Variants in FLRT2 observed in about 807,000 individuals in gnomAD.
The protein encoded by FLRT2 is leucine-rich repeat transmembrane protein FLRT2.
Under a neutral mutation model 40.0 loss-of-function variants are expected in FLRT2, and 15 were observed. The ratio of observed to expected loss-of-function variants is 0.38; its 90% confidence interval spans 0.25 to 0.58. FLRT2 has a LOEUF of 0.58. Among genes scored for constraint, FLRT2 ranks in the 20% least tolerant of loss-of-function variants. The pLI, the probability that FLRT2 is intolerant of heterozygous loss-of-function variation, is 0.71. For missense variants in FLRT2, 726 were observed against 840.0 expected (o/e 0.86, Z 1.68); for synonymous variants, 380 against 336.8 (o/e 1.13, Z -1.41).
At chr14:85,538,677 A>G (rs1888812445) in intron 1 of FLRT2, among the ~76,000 whole-genome samples, 1 of 152,160 alleles carries the variant, frequency 6.6e-6, no homozygotes, top group African/African-American at 2.4e-5. Flanking sequence ...CCCAAAGTTT[A>G]TAGATGATAT....
chr14:85,538,318 C>T (rs1003474560), intron 1 of FLRT2, among the ~76,000 whole-genome samples: 1 of 152,102 alleles, frequency 6.6e-6, no homozygotes, highest in African/African-American at 2.4e-5. Flanking sequence ...AAACACTGGT[C>T]AGTTATTCTG....
At position 85,627,833 on chromosome 14, in the gene FLRT2, C is replaced by T. The variant is rs965194592; in HGVS notation, c.*4336C>T. 4 of 167,196 alleles carry T rather than the reference C, an allele frequency of 2.4e-5. No homozygotes were observed. The South Asian group carries it at 6.2e-4, about 26-fold the overall frequency. 10.4% of individuals were successfully genotyped at this position (167,196 alleles called of 1,614,324 possible). ...TGCATCACACATCCTCTGAGACCTA[C>T]CATGTCGCACACTTTGTTAATGACA... On this transcript the variant is annotated 3_prime_UTR_variant, in exon 2 of 2. Coordinates refer to ENST00000330753, the MANE Select transcript of FLRT2 (RefSeq NM_013231.6).
At chr14:85,560,933 CTAATTA>C (rs1345403070) in intron 1 of FLRT2, 1 of 152,154 alleles carries the variant, frequency 6.6e-6, no homozygotes, top group East Asian at 1.9e-4. Flanking sequence ...AATTACTCTC[CTAATTA>C]TAACGATAAC....
Position 85,625,032 on chromosome 14 carries a change from A to T in FLRT2, c.*1535A>T, listed in dbSNP as rs1566766828. ...TCAGAGAGTGAAGGCTTTTTCCCCTAATCCTGGCAGAGCAGGGCGTAGAAA... is the reference window on the plus strand; with the variant it reads ...TCAGAGAGTGAAGGCTTTTTCCCCTTATCCTGGCAGAGCAGGGCGTAGAAA... On this transcript the variant is annotated 3_prime_UTR_variant, in exon 2 of 2. Coordinates refer to ENST00000330753, the MANE Select transcript of FLRT2 (RefSeq NM_013231.6). 1 of 167,014 alleles carries T rather than the reference A, an allele frequency of 6.0e-6. No homozygotes were observed. The highest frequency in any genetic ancestry group is 2.4e-5 in the African/African-American group (1 of 41,450). 10.3% of individuals were successfully genotyped at this position (167,014 alleles called of 1,614,324 possible). A position where few individuals can be genotyped will look rare whatever the true frequency, so the allele number is the denominator to read the frequency against.
At chr14:85,565,788 T>C (rs1052336665) in intron 1 of FLRT2, among the ~76,000 whole-genome samples, 2 of 152,180 alleles carry the variant, frequency 1.3e-5, no homozygotes, top group Non-Finnish European at 2.9e-5. Context: ...GATGTGACAC[T>C]GATAACTTCA....
At chr14:85,539,448 T>G in intron 1 of FLRT2, among the ~76,000 whole-genome samples, 1 of 152,132 alleles carries the variant, frequency 6.6e-6, no homozygotes, top group Non-Finnish European at 1.5e-5. Flanking sequence ...AGCATTAGAT[T>G]AGATGACAAG....
chr14:85,593,161 A>G (rs1239866448), intron 1 of FLRT2, among the ~76,000 whole-genome samples: 1 of 152,232 alleles, frequency 6.6e-6, no homozygotes, highest in Non-Finnish European at 1.5e-5. Flanking sequence ...TAACTACAAA[A>G]GAGAAAAGGA....
In FLRT2 at chr14:85,624,841, A is replaced by T. The variant is rs1251128249; in HGVS notation, c.*1344A>T. The stretch of plus-strand genomic sequence containing the variant: ...CACATCAAAGCTGGCCAAAATAATG[A>T]ATTTTTTTTAAAAAGCAATACCTGG... On this transcript the variant is annotated 3_prime_UTR_variant, in exon 2 of 2. Coordinates refer to ENST00000330753, the MANE Select transcript of FLRT2 (RefSeq NM_013231.6). 6.0e-6 allele frequency: 1 copy of T among 167,076 alleles called. No homozygotes were observed. Among genetic ancestry groups the T allele is most frequent in the Non-Finnish European group, 1.5e-5 (1 of 68,124 alleles). The allele number at this position is 167,076 out of a possible 1,614,324, so 10.3% of individuals were successfully genotyped here.
rs745818091 is a variant in FLRT2, at chr14:85,622,517, C to T, written c.1003C>T (p.Arg335Trp). The part of the protein sequence containing the change: ...LKYIPSSLNV[R>W]GFMCQGPEQV... ...ATATATCCCTTCATCTCTCAACGTGCGGGGTTTCATGTGCCAAGGTCCTGA... is the reference window on the plus strand; with the variant it reads ...ATATATCCCTTCATCTCTCAACGTGTGGGGTTTCATGTGCCAAGGTCCTGA... The change falls in exon 2 of 2, where the codon CGG (arginine) becomes TGG (tryptophan). Residue 335 changes from arginine to tryptophan, a missense_variant. Physicochemically the swap from Arg to Trp is moderately radical, Grantham distance 101. Transcript: ENST00000330753. 5.0e-6 allele frequency: 8 copies of T among 1,614,050 alleles called. No homozygotes were observed. Among genetic ancestry groups the T allele is most frequent in the Non-Finnish European group, 6.8e-6 (8 of 1,180,028 alleles).
chr14:85,611,442 A>G (rs977677962), intron 1 of FLRT2, among the ~76,000 whole-genome samples: 2 of 152,256 alleles, frequency 1.3e-5, no homozygotes, highest in African/African-American at 4.8e-5. Context: ...AATTTTAAAA[A>G]GCGTCAGAGA....
intron 1 of FLRT2, among the ~76,000 whole-genome samples, chr14:85,571,064 G>T (rs906053780): frequency 6.6e-6 from 1 of 152,048 alleles, no homozygotes; most frequent in Non-Finnish European, 1.5e-5. Flanking sequence ...TAGATCTAGG[G>T]TCCTGGTAAC....
intron 1 of FLRT2, among the ~76,000 whole-genome samples, chr14:85,610,275 G>A (rs189835831): frequency 6.6e-6 from 1 of 152,204 alleles, no homozygotes; most frequent in African/African-American, 2.4e-5. Context: ...TCTGAAATGG[G>A]ACATTTGAAG....
chr14:85,549,920 T>C (rs1390374185), intron 1 of FLRT2, among the ~76,000 whole-genome samples: 2 of 152,106 alleles, frequency 1.3e-5, no homozygotes, highest in Non-Finnish European at 2.9e-5. Flanking sequence ...GCCTAATTTC[T>C]TTTTAACAAT....
chr14:85,557,623 C>A (rs982750525), intron 1 of FLRT2, among the ~76,000 whole-genome samples: 1 of 151,974 alleles, frequency 6.6e-6, no homozygotes, highest in East Asian at 1.9e-4. Context: ...CCAGCCTGAC[C>A]AATATGATGA....
intron 1 of FLRT2, among the ~76,000 whole-genome samples, chr14:85,575,252 G>A (rs1891076624): frequency 6.6e-6 from 1 of 152,150 alleles, no homozygotes; most frequent in Non-Finnish European, 1.5e-5. Flanking sequence ...GTGGAATGTG[G>A]GTGGATGGAG....
At chr14:85,566,337 C>T (rs1362864230) in intron 1 of FLRT2, among the ~76,000 whole-genome samples, 2 of 152,036 alleles carry the variant, frequency 1.3e-5, no homozygotes, top group African/African-American at 4.8e-5. Flanking sequence ...ATTGTAGAGA[C>T]TTTCAAGAGA....
chr14:85,534,043 C>A (rs749287554), intron 1 of FLRT2, among the ~76,000 whole-genome samples: 1 of 151,594 alleles, frequency 6.6e-6, no homozygotes, highest in African/African-American at 2.4e-5. Flanking sequence ...GCTGCGCTCC[C>A]GCTTCCTCCC....
chr14:85,628,605 C>CT lies in FLRT2; in HGVS notation c.*5112dup. 6.6e-6 allele frequency: 1 copy of CT among 152,186 alleles called. No individual in the cohort carries two copies. Among genetic ancestry groups the CT allele is most frequent in the Non-Finnish European group, 1.5e-5 (1 of 68,044 alleles). 9.4% of individuals were successfully genotyped at this position (152,186 alleles called of 1,614,324 possible). A position where few individuals can be genotyped will look rare whatever the true frequency, so the allele number is the denominator to read the frequency against. On this transcript the variant is annotated 3_prime_UTR_variant, in exon 2 of 2. Transcript: ENST00000330753. Reference sequence around the variant, plus strand: ...AGTCTCATATGATTTTTCAGAACCCCTTTTGCTAACCCCTCTTGGCCATTT... The same window carrying CT: ...AGTCTCATATGATTTTTCAGAACCCCTTTTTGCTAACCCCTCTTGGCCATTT...
intron 1 of FLRT2, among the ~76,000 whole-genome samples, chr14:85,570,218 A>T (rs1018557219): frequency 6.6e-6 from 1 of 152,148 alleles, no homozygotes; most frequent in Non-Finnish European, 1.5e-5. Context: ...AAGATAGAAG[A>T]CCTTGGTTTT....
Sources: gnomAD v4.1 joint callset for allele counts (sites outside exome capture counted in the v4.1 genomes callset) on GRCh38, gnomAD v4.1.1 for gene constraint, MANE v1.5 for transcripts, NCBI Gene and HGNC (gene_info 2026-07-23, HGNC 2026-07-21) for gene names.